Variants in TAB2 observed in about 807,000 individuals in gnomAD.
TAB2 encodes the protein TGF-beta-activated kinase 1 and MAP3K7-binding protein 2.
Under a neutral mutation model 65.0 loss-of-function variants are expected in TAB2, and 3 were observed. That is an observed-to-expected ratio of 0.05 (90% CI 0.02 to 0.12). The LOEUF is 0.12. TAB2 is among the 10% of genes least tolerant of loss of function. TAB2 has a pLI of 1.00. For missense variants in TAB2, 623 were observed against 840.3 expected (o/e 0.74, Z 3.20); for synonymous variants, 298 against 285.1 (o/e 1.05, Z -0.46).
chr6:149,358,242 C>T (rs372301605), intron 1 of TAB2, among the ~76,000 whole-genome samples: 5 of 152,278 alleles, frequency 3.3e-5, no homozygotes, highest in Admixed American at 2.0e-4. Flanking sequence ...ATGAGACCCA[C>T]ATCTAAACAC....
intron 1 of TAB2, among the ~76,000 whole-genome samples, chr6:149,226,319 C>T (rs1326886855): frequency 2.6e-5 from 4 of 152,040 alleles, no homozygotes; most frequent in Admixed American, 2.6e-4. Context: ...GTGCGAGGAC[C>T]CGCGTGCTTC....
intron 1 of TAB2, among the ~76,000 whole-genome samples, chr6:149,339,541 A>G (rs1412130887): frequency 6.6e-6 from 1 of 151,986 alleles, no homozygotes; most frequent in East Asian, 1.9e-4. Context: ...AATAGGGATA[A>G]GTGTTTTTTA....
chr6:149,285,471 G>A (rs1402783814), intron 1 of TAB2, among the ~76,000 whole-genome samples: 2 of 152,130 alleles, frequency 1.3e-5, no homozygotes, highest in African/African-American at 2.4e-5. Context: ...CTCCTCCTCA[G>A]GTTTTTATAC....
At chr6:149,233,900 A>G (rs1777449749) in intron 1 of TAB2, among the ~76,000 whole-genome samples, 1 of 151,996 alleles carries the variant, frequency 6.6e-6, no homozygotes. Flanking sequence ...AAGCCCTCCA[A>G]CCCTCCCCAA....
intron 1 of TAB2, among the ~76,000 whole-genome samples, chr6:149,234,584 T>G (rs1206775609): frequency 6.6e-6 from 1 of 152,230 alleles, no homozygotes; most frequent in Non-Finnish European, 1.5e-5. Context: ...TCCTGCCGCA[T>G]GTACCTTGCA....
chr6:149,353,657 T>C (rs762284718), intron 1 of TAB2, among the ~76,000 whole-genome samples: 49 of 152,210 alleles, frequency 3.2e-4, no homozygotes, highest in Non-Finnish European at 6.0e-4. Flanking sequence ...GAGGAAATAA[T>C]TTAAATATGG....
chr6:149,379,263 T>A lies in TAB2; in HGVS notation c.1348T>A (p.Ser450Thr), dbSNP rs141984528. 127 of 1,613,986 alleles carry A rather than the reference T, an allele frequency of 7.9e-5. No individual in the cohort carries two copies. The highest frequency in any genetic ancestry group is 1.8e-4 in the Admixed American group (11 of 60,000). The change falls in exon 3 of 7, where the codon TCT (serine) becomes ACT (threonine). Residue 450 changes from serine (S) to threonine (T), a missense_variant. Coordinates refer to ENST00000637181, the MANE Select transcript of TAB2 (RefSeq NM_001292034.3). ...AGCAATAGGCAATAACTCTGCAACCTCTCCTCGAGTGGTAGTCACTCAGCC... is the reference window on the plus strand; with the variant it reads ...AGCAATAGGCAATAACTCTGCAACCACTCCTCGAGTGGTAGTCACTCAGCC... ...SRAIGNNSATSPRVVVTQPNT... is the reference protein window; with the variant it reads ...SRAIGNNSATTPRVVVTQPNT...
intron 1 of TAB2, among the ~76,000 whole-genome samples, chr6:149,288,284 C>T (rs9498290): frequency 0.19 from 29,101 of 151,966 alleles, 2,975 homozygotes; most frequent in East Asian, 0.43. Flanking sequence ...TCTGCCTGTC[C>T]ATTCATCTCA....
intron 3 of TAB2, among the ~76,000 whole-genome samples, chr6:149,386,227 T>TA (rs1271243764): frequency 6.6e-6 from 1 of 152,258 alleles, no homozygotes; most frequent in Non-Finnish European, 1.5e-5. Flanking sequence ...CTTTCTTAAA[T>TA]ATATTAAGTT....
chr6:149,360,346 T>C (rs1306333638), intron 1 of TAB2, among the ~76,000 whole-genome samples: 1 of 152,196 alleles, frequency 6.6e-6, no homozygotes, highest in Non-Finnish European at 1.5e-5. Context: ...TCGGCTCACC[T>C]TTTGGTGGGG....
Position 149,378,378 on chromosome 6 carries a change from C to G in TAB2, c.463C>G (p.Leu155Val), listed in dbSNP as rs1781479846. 6.2e-7 allele frequency: 1 copy of G among 1,614,124 alleles called. No individual in the cohort carries two copies. The highest frequency in any genetic ancestry group is 8.5e-7 in the Non-Finnish European group (1 of 1,180,042). Reference protein sequence around the residue: ...SSGASNSAPHLGFHLGSKGTS... With the variant: ...SSGASNSAPHVGFHLGSKGTS... ...TGGTGCTTCAAATTCAGCACCACAT[C>G]TTGGATTTCACTTAGGCAGCAAAGG... Residue 155 changes from leucine to valine, a missense_variant, in exon 3 of 7, where the codon CTT becomes GTT. By Grantham distance (32) the Leu-to-Val change is conservative. This residue lies in a region of TAB2 where 550 missense variants were observed against 665.7 expected (regional missense o/e 0.83). Transcript: ENST00000637181.
chr6:149,311,535 T>C (rs546755832), intron 1 of TAB2, among the ~76,000 whole-genome samples: 8 of 152,358 alleles, frequency 5.3e-5, no homozygotes, highest in African/African-American at 1.9e-4. Context: ...AGAAGATCTA[T>C]TCAAAGCCCC....
chr6:149,363,893 C>G (rs1456401972), intron 1 of TAB2, among the ~76,000 whole-genome samples: 1 of 152,144 alleles, frequency 6.6e-6, no homozygotes, highest in Non-Finnish European at 1.5e-5. Flanking sequence ...TAATCCTTCT[C>G]TTTGTTTGTG....
At chr6:149,251,397 C>T (rs1777858448) in intron 1 of TAB2, among the ~76,000 whole-genome samples, 1 of 152,174 alleles carries the variant, frequency 6.6e-6, no homozygotes, top group Non-Finnish European at 1.5e-5. Context: ...CTGTGACTCC[C>T]ACTGGGACAA....
At chr6:149,325,314 A>C (rs1779568007) in intron 1 of TAB2, among the ~76,000 whole-genome samples, 1 of 152,160 alleles carries the variant, frequency 6.6e-6, no homozygotes, top group Non-Finnish European at 1.5e-5. Context: ...TTACATTAGG[A>C]TATGTAGCTT....
intron 3 of TAB2, among the ~76,000 whole-genome samples, chr6:149,384,178 G>T (rs1781711816): frequency 6.6e-6 from 1 of 152,134 alleles, no homozygotes; most frequent in South Asian, 2.1e-4. Context: ...CCAGGCACTA[G>T]AATCATAGGA....
intron 1 of TAB2, among the ~76,000 whole-genome samples, chr6:149,286,533 A>G (rs1778678974): frequency 6.6e-6 from 1 of 152,228 alleles, no homozygotes; most frequent in Admixed American, 6.5e-5. Flanking sequence ...CTTTACCAAT[A>G]TGTATCACAA....
chr6:149,296,537 T>C (rs187827825), intron 1 of TAB2, among the ~76,000 whole-genome samples: 2 of 152,344 alleles, frequency 1.3e-5, no homozygotes, highest in Admixed American at 1.3e-4. Context: ...AAATGTTATA[T>C]CCAGCCTTTT....
intron 6 of TAB2, among the ~76,000 whole-genome samples, chr6:149,401,741 C>A (rs1249382555): frequency 6.6e-6 from 1 of 151,776 alleles, no homozygotes; most frequent in Non-Finnish European, 1.5e-5. Flanking sequence ...TTTAAACAAA[C>A]CTAAGAAGAT....
Sources: gnomAD v4.1 joint callset for allele counts (sites outside exome capture counted in the v4.1 genomes callset) on GRCh38, gnomAD v4.1.1 for gene constraint, gnomAD v4.1.1 regional missense constraint, MANE v1.5 for transcripts, NCBI Gene and HGNC (gene_info 2026-07-23, HGNC 2026-07-21) for gene names.